Variants in SNAP91 observed in about 807,000 individuals in gnomAD.
SNAP91 encodes the protein synaptosome associated protein 91.
A neutral mutation model predicts 100.3 loss-of-function variants in SNAP91; 27 were observed. The observed-to-expected ratio is 0.27, with a 90% CI of 0.20 to 0.37. The LOEUF (loss-of-function observed/expected upper bound fraction) is 0.37. Ranked by LOEUF, SNAP91 falls within the 10% of genes least tolerant of loss-of-function variation. SNAP91 has a pLI of 1.00. For synonymous variants in SNAP91, 404 were observed against 398.6 expected, an observed-to-expected ratio of 1.01 and a Z score of -0.16; for missense variants, 986 against 1,123.7, an observed-to-expected ratio of 0.88 and a Z score of 1.75.
chr6:83,628,146 A>C (rs1052048411), intron 8 of SNAP91, among the ~76,000 whole-genome samples: 1 of 151,198 alleles, frequency 6.6e-6, no homozygotes, highest in African/African-American at 2.4e-5. Context: ...TTAGAATAAC[A>C]GTCTCCAATC....
chr6:83,678,764 T>C, intron 2 of SNAP91: 3 of 1,289,584 alleles, frequency 2.3e-6, no homozygotes, highest in African/African-American at 1.5e-5. Context: ...TCTTTGGCCT[T>C]ACCAAAGCCT....
At chr6:83,593,338 G>C (rs2128205039) in intron 18 of SNAP91, 79 bp from the exon 19 acceptor site, 1 of 1,515,634 alleles carries the variant, frequency 6.6e-7, no homozygotes, top group African/African-American at 1.4e-5. Flanking sequence ...TCCTTAATTA[G>C]CACTTTGAAG....
intron 2 of SNAP91, among the ~76,000 whole-genome samples, chr6:83,689,904 T>C (rs1428785993): frequency 6.6e-6 from 1 of 152,098 alleles, no homozygotes; most frequent in South Asian, 2.1e-4. Flanking sequence ...TCTCAAGATA[T>C]AAAATTTCAT....
At chr6:83,582,450 G>T in intron 22 of SNAP91, 94 bp from the exon 23 acceptor site, 1 of 1,269,272 alleles carries the variant, frequency 7.9e-7, no homozygotes, top group Non-Finnish European at 1.1e-6. Context: ...AAACTGAAAA[G>T]GAATTAATTG....
Position 83,704,464 on chromosome 6 carries a change from TCTCGACCTTTTCAC to T in SNAP91, c.130+3320_130+3333del, listed in dbSNP as rs2099354625. Among the ~76,000 whole-genome samples, 5 of 152,200 alleles carry T rather than the reference TCTCGACCTTTTCAC, an allele frequency of 3.3e-5. No homozygotes were observed. In the South Asian group the frequency reaches 1.0e-3, roughly 31 times the overall value. ...GGAATAAATGTATATAGTTTCTTCA[TCTCGACCTTTTCAC>T]CAGATATAATTCTGCCCTCAGATGT... On this transcript the variant is annotated intron_variant, in intron 2 of 29. Transcript: ENST00000369694.
chr6:83,601,658 C>T, intron 14 of SNAP91, 59 bp from the exon 15 acceptor site: 2 of 1,530,040 alleles, frequency 1.3e-6, no homozygotes, highest in Non-Finnish European at 9.1e-7. Context: ...TTGAAACATG[C>T]AACCATACCA....
At chr6:83,579,716 T>C (rs976138678) in intron 24 of SNAP91, among the ~76,000 whole-genome samples, 1 of 152,198 alleles carries the variant, frequency 6.6e-6, no homozygotes, top group Non-Finnish European at 1.5e-5. Flanking sequence ...GGCAAACTTC[T>C]GCCTCAAAGC....
intron 7 of SNAP91, among the ~76,000 whole-genome samples, chr6:83,643,640 A>G (rs1257320160): frequency 1.3e-5 from 2 of 152,200 alleles, no homozygotes; most frequent in East Asian, 3.8e-4. Flanking sequence ...TTCAGCATGT[A>G]ATTTTACTAC....
chr6:83,701,248 A>G (rs888806886), intron 2 of SNAP91, among the ~76,000 whole-genome samples: 1 of 152,146 alleles, frequency 6.6e-6, no homozygotes, highest in Non-Finnish European at 1.5e-5. Flanking sequence ...GAAAATACTT[A>G]TAAGAGAGAC....
At chr6:83,564,339 T>C (rs1000825474) in intron 26 of SNAP91, among the ~76,000 whole-genome samples, 4 of 149,536 alleles carry the variant, frequency 2.7e-5, no homozygotes, top group Admixed American at 6.8e-5. Context: ...TCTTTTCTTT[T>C]TTTTTTTATA....
intron 1 of SNAP91, chr6:83,708,280 C>CCTGACCCG (rs943980144): frequency 1.3e-5 from 3 of 233,946 alleles, no homozygotes; most frequent in Non-Finnish European, 2.4e-5. Flanking sequence ...TTCCCCGCAA[C>CCTGACCCG]CTGACCCGCG....
intron 7 of SNAP91, among the ~76,000 whole-genome samples, chr6:83,643,442 A>C (rs2097789462): frequency 6.6e-6 from 1 of 152,218 alleles, no homozygotes; most frequent in East Asian, 1.9e-4. Context: ...TTTGTTATAC[A>C]GGGAATCCTT....
At chr6:83,672,585 G>T (rs996885362) in intron 2 of SNAP91, among the ~76,000 whole-genome samples, 1 of 152,044 alleles carries the variant, frequency 6.6e-6, no homozygotes, top group East Asian at 1.9e-4. Flanking sequence ...TAATAAGGGG[G>T]CCATATCTGT....
chr6:83,661,455 C>A, intron 5 of SNAP91, 47 bp downstream of exon 5: 1 of 1,216,996 alleles, frequency 8.2e-7, no homozygotes, highest in East Asian at 2.4e-5. Context: ...AAGTATGCCT[C>A]AAAGACTTAT....
chr6:83,642,711 G>T (rs2128564299), intron 7 of SNAP91, among the ~76,000 whole-genome samples: 1 of 152,242 alleles, frequency 6.6e-6, no homozygotes, highest in Admixed American at 6.5e-5. Context: ...ACCCAGTAAT[G>T]GGATGGCTGA....
At chr6:83,604,587 G>C (rs2095495386) in intron 14 of SNAP91, among the ~76,000 whole-genome samples, 1 of 152,160 alleles carries the variant, frequency 6.6e-6, no homozygotes, top group South Asian at 2.1e-4. Context: ...GACCACCAAA[G>C]GACATTCAAT....
rs571317052 is a variant in SNAP91 at position 83,607,904 on chromosome 6, C to A, written c.913-96G>T. ...CTTTGTATAACCATGACATGCCCAG[C>A]AATTTTTTTTTTGTAATTCTTTGTG... is the stretch of plus-strand genomic sequence containing the variant. On this transcript the variant is annotated intron_variant, in intron 12 of 29. Transcript: ENST00000369694. 189 of 510,284 alleles carry A rather than the reference C, an allele frequency of 3.7e-4. No homozygotes were observed. In the East Asian group the frequency reaches 6.5e-3, roughly 18 times the overall value. 31.6% of individuals were successfully genotyped at this position (510,284 alleles called of 1,614,324 possible).
chr6:83,576,828 G>C (rs1819576768), intron 24 of SNAP91, among the ~76,000 whole-genome samples: 1 of 152,112 alleles, frequency 6.6e-6, no homozygotes, highest in Non-Finnish European at 1.5e-5. Context: ...TAATCAATCT[G>C]CTCTAATATC....
At chr6:83,586,488 C>T (rs558039068) in intron 22 of SNAP91, among the ~76,000 whole-genome samples, 1 of 152,278 alleles carries the variant, frequency 6.6e-6, no homozygotes, top group African/African-American at 2.4e-5. Context: ...ACATGGTTGT[C>T]CTGCTCGATG....
Sources: gnomAD v4.1 joint callset for allele counts (sites outside exome capture counted in the v4.1 genomes callset) on GRCh38, gnomAD v4.1.1 for gene constraint, MANE v1.5 for transcripts, NCBI Gene and HGNC (gene_info 2026-07-23, HGNC 2026-07-21) for gene names.